Variants in PAFAH1B1 observed in about 807,000 individuals in gnomAD.
The protein encoded by PAFAH1B1 is platelet activating factor acetylhydrolase 1b regulatory subunit 1.
A neutral mutation model predicts 57.5 loss-of-function variants in PAFAH1B1; 2 were observed. The observed-to-expected ratio is 0.03, with a 90% CI of 0.01 to 0.11. PAFAH1B1 has a LOEUF of 0.11. Ranked by LOEUF, PAFAH1B1 falls within the 10% of genes least tolerant of loss-of-function variation. The pLI is 1.00. For synonymous variants in PAFAH1B1, 152 were observed against 169.6 expected, an observed-to-expected ratio of 0.90 and a Z score of 0.81; for missense variants, 257 against 512.0, an observed-to-expected ratio of 0.50 and a Z score of 4.81.
intron 1 of PAFAH1B1, among the ~76,000 whole-genome samples, chr17:2,594,932 G>A (rs1277319690): frequency 6.6e-6 from 1 of 152,112 alleles, no homozygotes; most frequent in East Asian, 1.9e-4. Context: ...AGGGGAAGAG[G>A]TTTTCCGTAT....
At chr17:2,664,819 C>A (rs2069082195) in intron 2 of PAFAH1B1, among the ~76,000 whole-genome samples, 1 of 152,072 alleles carries the variant, frequency 6.6e-6, no homozygotes, top group Admixed American at 6.6e-5. Context: ...AGTTCTAATT[C>A]TAAATGAATG....
At chr17:2,656,416 C>A (rs117368441) in intron 2 of PAFAH1B1, among the ~76,000 whole-genome samples, 1,995 of 151,920 alleles carry the variant, frequency 0.013, 127 homozygotes, top group Admixed American at 0.11. Context: ...TGCCACAGCA[C>A]TCCAGCTTGG....
rs189966118 is a variant in PAFAH1B1 at position 2,612,906 on chromosome 17, G to A, written c.-191+18900G>A. Among the ~76,000 whole-genome samples, 653 of 152,056 alleles carry A rather than the reference G, an allele frequency of 4.3e-3. 2 individuals carry two copies. Among genetic ancestry groups the A allele is most frequent in the Non-Finnish European group, 6.7e-3 (454 of 67,976 alleles). ...ATTACTGGTGTGAGCCAGCATGCCC[G>A]GCCTGCCACCTGATTTTGTACCATA... On this transcript the variant is annotated intron_variant, in intron 1 of 10. Coordinates refer to ENST00000397195, the MANE Select transcript of PAFAH1B1 (RefSeq NM_000430.4).
chr17:2,616,441 G>A (rs1160827730), intron 1 of PAFAH1B1, among the ~76,000 whole-genome samples: 5 of 152,190 alleles, frequency 3.3e-5, no homozygotes, highest in South Asian at 2.1e-4. Context: ...CTGACAGGCC[G>A]GGGACCTGGG....
chr17:2,681,811 C>T lies in PAFAH1B1; in HGVS notation c.*9C>T. 1.2e-6 allele frequency: 2 copies of T among 1,604,136 alleles called. No homozygotes were observed. The highest frequency in any genetic ancestry group is 1.7e-6 in the Non-Finnish European group (2 of 1,172,976). ...TGTGGGAGTGCCGTTGATTGTGTCT[C>T]CTTCGGCCCCTCCTCCCTCTTTTCC... On this transcript the variant is annotated 3_prime_UTR_variant, in exon 11 of 11. Coordinates refer to ENST00000397195, the MANE Select transcript of PAFAH1B1 (RefSeq NM_000430.4).
In PAFAH1B1 at chr17:2,652,414, C is replaced by CAAAAA. The variant is rs1555525037; in HGVS notation, c.33-12955_33-12954insAAAAA. On this transcript the variant is annotated intron_variant, in intron 2 of 10. Coordinates refer to ENST00000397195, the MANE Select transcript of PAFAH1B1 (RefSeq NM_000430.4). Reference sequence around the variant, plus strand: ...TGGGCGGCAGAGCGAGACTCCGTCTCAAACAAAACAAAACAAAAACCAAAA... The same window carrying CAAAAA: ...TGGGCGGCAGAGCGAGACTCCGTCTCAAAAAAAACAAAACAAAACAAAAACCAAAA... 2.0e-3 allele frequency among the ~76,000 whole-genome samples: 301 copies of CAAAAA among 152,350 alleles called. 1 individual carries two copies. Among genetic ancestry groups the CAAAAA allele is most frequent in the African/African-American group, 7.0e-3 (290 of 41,582 alleles).
At chr17:2,652,339 C>CCA (rs2068870334) in intron 2 of PAFAH1B1, among the ~76,000 whole-genome samples, 1 of 152,172 alleles carries the variant, frequency 6.6e-6, no homozygotes, top group South Asian at 2.1e-4. Context: ...GGCGTGAACC[C>CCA]GGGAGGCGGA....
chr17:2,653,783 A>G (rs1195095541), intron 2 of PAFAH1B1, among the ~76,000 whole-genome samples: 4 of 152,140 alleles, frequency 2.6e-5, no homozygotes, highest in Non-Finnish European at 5.9e-5. Context: ...CAAAGTAACT[A>G]TACATTTTTT....
At chr17:2,595,612 C>T (rs940738100) in intron 1 of PAFAH1B1, among the ~76,000 whole-genome samples, 1 of 152,086 alleles carries the variant, frequency 6.6e-6, no homozygotes, top group African/African-American at 2.4e-5. Context: ...TTTTAGGACA[C>T]AGTTTCACAA....
intron 4 of PAFAH1B1, 82 bp downstream of exon 4, chr17:2,666,172 A>C: frequency 8.5e-7 from 1 of 1,175,944 alleles, no homozygotes; most frequent in South Asian, 1.4e-5. Flanking sequence ...GCATTAATTA[A>C]TAATTGCATC....
rs1268527157 is a variant in PAFAH1B1, at chr17:2,676,692, C to A, written c.1002+86C>A. 16 of 832,560 alleles carry A rather than the reference C, an allele frequency of 1.9e-5. No homozygotes were observed. In the East Asian group the frequency reaches 4.0e-4, roughly 21 times the overall value. The allele number at this position is 832,560 out of a possible 1,614,324, so 51.6% of individuals were successfully genotyped here. A position where few individuals can be genotyped will look rare whatever the true frequency, so the allele number is the denominator to read the frequency against. On this transcript the variant is annotated intron_variant, in intron 9 of 10. Transcript: ENST00000397195. ...AATGCTTTATGATATCTTAAATAAT[C>A]TGAATTATTCTGGGCTTTAAAATAA...
intron 1 of PAFAH1B1, among the ~76,000 whole-genome samples, chr17:2,615,946 G>A (rs2068335131): frequency 6.6e-6 from 1 of 152,188 alleles, no homozygotes; most frequent in African/African-American, 2.4e-5. Context: ...AAAGTAAAGA[G>A]AGGAAAGATG....
intron 9 of PAFAH1B1, among the ~76,000 whole-genome samples, chr17:2,677,777 C>G (rs2069293422): frequency 1.3e-5 from 2 of 151,730 alleles, no homozygotes; most frequent in African/African-American, 4.8e-5. Flanking sequence ...TGGCGTGAAC[C>G]CGGGAGGCGG....
rs1210802288 is a variant in PAFAH1B1, at chr17:2,681,906, G to T, written c.*104G>T. On this transcript the variant is annotated 3_prime_UTR_variant, in exon 11 of 11. Coordinates refer to ENST00000397195, the MANE Select transcript of PAFAH1B1 (RefSeq NM_000430.4). ...GTTTAAATAAATATTGTCCTTTCAT[G>T]TAAATTATTCTGGATGTAGATTGAG... The T allele has an allele frequency of 1.3e-6, 1 of 798,084 alleles. No homozygotes were observed. Among genetic ancestry groups the T allele is most frequent in the African/African-American group, 1.7e-5 (1 of 57,628 alleles). 49.4% of individuals were successfully genotyped at this position (798,084 alleles called of 1,614,324 possible).
intron 5 of PAFAH1B1, 159 bp downstream of exon 5, chr17:2,667,357 G>T: frequency 3.3e-6 from 2 of 614,892 alleles, no homozygotes; most frequent in Non-Finnish European, 5.8e-6. Context: ...AGACTTAATA[G>T]GGTGAAGAAA....
rs1435254920 is a variant in PAFAH1B1 at position 2,682,703 on chromosome 17, T to C, written c.*901T>C. On this transcript the variant is annotated 3_prime_UTR_variant, in exon 11 of 11. Coordinates refer to ENST00000397195, the MANE Select transcript of PAFAH1B1 (RefSeq NM_000430.4). The stretch of plus-strand genomic sequence containing the variant: ...TGGTGTTTTTTAGGGATGTGCAATG[T>C]GCATTACATAATGACAGAAATACTG... 6.6e-6 allele frequency: 1 copy of C among 152,660 alleles called. No individual in the cohort carries two copies. The highest frequency in any genetic ancestry group is 1.5e-5 in the Non-Finnish European group (1 of 68,044). The allele number at this position is 152,660 out of a possible 1,614,324, so 9.5% of individuals were successfully genotyped here. A position where few individuals can be genotyped will look rare whatever the true frequency, so the allele number is the denominator to read the frequency against.
At chr17:2,657,377 T>A (rs1340580784) in intron 2 of PAFAH1B1, among the ~76,000 whole-genome samples, 3 of 152,170 alleles carry the variant, frequency 2.0e-5, no homozygotes, top group Non-Finnish European at 4.4e-5. Flanking sequence ...CCCAAGTAGC[T>A]GGGATTACAG....
intron 1 of PAFAH1B1, among the ~76,000 whole-genome samples, chr17:2,609,334 A>G (rs777652395): frequency 1.1e-4 from 16 of 151,898 alleles, no homozygotes; most frequent in Non-Finnish European, 2.1e-4. Context: ...TTAGATGAGC[A>G]TACGCTCTCC....
intron 1 of PAFAH1B1, chr17:2,613,342 C>G: frequency 4.3e-6 from 1 of 230,586 alleles, no homozygotes; most frequent in South Asian, 1.0e-4. Context: ...CATTTTCTTG[C>G]TTGGGCGAAG....
Sources: gnomAD v4.1 joint callset for allele counts (sites outside exome capture counted in the v4.1 genomes callset) on GRCh38, gnomAD v4.1.1 for gene constraint, MANE v1.5 for transcripts, NCBI Gene and HGNC (gene_info 2026-07-23, HGNC 2026-07-21) for gene names.